Variants in TMEM177 observed in about 807,000 individuals in gnomAD.
TMEM177 encodes transmembrane protein 177.
TMEM177 carries 4 observed loss-of-function variants against 14.2 expected under a neutral mutation model. That is an observed-to-expected ratio of 0.28 (90% confidence interval 0.14 to 0.64). The LOEUF (loss-of-function observed/expected upper bound fraction) is 0.64, where lower values mean the gene tolerates loss of function less well. Among genes scored for constraint, TMEM177 ranks in the 30% least tolerant of loss-of-function variants. TMEM177 has a pLI of 0.82. For missense variants in TMEM177, 344 were observed against 405.2 expected (o/e 0.85, Z 1.30); for synonymous variants, 179 against 174.5 (o/e 1.03, Z -0.20).
the TMEM177 span, among the ~76,000 whole-genome samples, chr2:119,696,663 G>A: frequency 6.6e-6 from 1 of 152,338 alleles, no homozygotes; most frequent in African/African-American, 2.4e-5. Context: ...TCTCAACAGT[G>A]TGGCCAAGGA....
At chr2:119,688,435 C>G (rs1689049458), downstream of TMEM177, among the ~76,000 whole-genome samples, 1 of 152,184 alleles carries the variant, frequency 6.6e-6, no homozygotes, top group South Asian at 2.1e-4. Flanking sequence ...TGTACTTACA[C>G]AAACCTGGAT....
chr2:119,690,113 C>T (rs1689071520), downstream of TMEM177, among the ~76,000 whole-genome samples: 1 of 152,146 alleles, frequency 6.6e-6, no homozygotes, highest in Non-Finnish European at 1.5e-5. Context: ...ATTGTAATCC[C>T]CAGTGTTGGA....
the TMEM177 span, among the ~76,000 whole-genome samples, chr2:119,710,471 G>T: frequency 6.6e-6 from 1 of 152,192 alleles, no homozygotes; most frequent in East Asian, 1.9e-4. Flanking sequence ...TGGGGCAGCA[G>T]GTTTCCTGGC....
At chr2:119,694,517 T>G in the TMEM177 span, among the ~76,000 whole-genome samples, 1 of 152,256 alleles carries the variant, frequency 6.6e-6, no homozygotes. Flanking sequence ...GGCTGGAGTT[T>G]AGTGCAGGAG....
At chr2:119,685,232 GCACACACACACACACACAAA>G (rs1688992695), downstream of TMEM177, among the ~76,000 whole-genome samples, 3 of 56,758 alleles carry the variant, frequency 5.3e-5, no homozygotes, top group Non-Finnish European at 1.0e-4. Context: ...CCCTTTGCAG[GCACACACACACACACACAAA>G]CACACACACA....
chr2:119,685,393 A>G (rs893400095), downstream of TMEM177, among the ~76,000 whole-genome samples: 1 of 151,418 alleles, frequency 6.6e-6, no homozygotes, highest in African/African-American at 2.4e-5. Context: ...GCAAGGTTCC[A>G]CTCAGCCTTG....
chr2:119,682,817 G>T (rs576971626), downstream of TMEM177, among the ~76,000 whole-genome samples: 1 of 152,192 alleles, frequency 6.6e-6, no homozygotes, highest in Non-Finnish European at 1.5e-5. Flanking sequence ...AGCTTGGCTC[G>T]TAGGGGTCAG....
At chr2:119,687,965 T>C (rs914047079), downstream of TMEM177, among the ~76,000 whole-genome samples, 1 of 152,226 alleles carries the variant, frequency 6.6e-6, no homozygotes, top group Non-Finnish European at 1.5e-5. Context: ...CAAACCTATG[T>C]ATTTCCTAGG....
chr2:119,690,735 T>C (rs1257009580), downstream of TMEM177, among the ~76,000 whole-genome samples: 1 of 152,348 alleles, frequency 6.6e-6, no homozygotes, highest in East Asian at 1.9e-4. Flanking sequence ...TCTTAACCCC[T>C]TGACGCTGGC....
At chr2:119,693,943 C>A in the TMEM177 span, among the ~76,000 whole-genome samples, 9 of 146,386 alleles carry the variant, frequency 6.1e-5, no homozygotes, top group East Asian at 2.0e-4. Flanking sequence ...ATCACACAAG[C>A]CACACACACA....
At chr2:119,691,695 C>T in the TMEM177 span, among the ~76,000 whole-genome samples, 6 of 152,154 alleles carry the variant, frequency 3.9e-5, no homozygotes, top group East Asian at 3.9e-4. Context: ...GGGAGTGTGG[C>T]GTGTGGGGAG....
downstream of TMEM177, among the ~76,000 whole-genome samples, chr2:119,687,491 A>G (rs1689033517): frequency 6.6e-6 from 1 of 152,220 alleles, no homozygotes; most frequent in African/African-American, 2.4e-5. Context: ...TCACAGGGCA[A>G]CAGGAGAGAG....
At position 119,681,293 on chromosome 2, in the gene TMEM177, G is replaced by A. The variant is rs757762409; in HGVS notation, c.440G>A (p.Arg147His). ...CTGAGAGCTTCCCTGACCTTGTCCC[G>A]TGAAGCCCAGAAGTTCGCCTTGGCC... Reference protein sequence around the residue: ...ARLRASLTLSREAQKFALARE... With the variant: ...ARLRASLTLSHEAQKFALARE... The change falls in exon 2 of 2, where the codon CGT becomes CAT. Residue 147 changes from arginine (R) to histidine (H), a missense_variant. Physicochemically the swap from Arg to His is conservative, Grantham distance 29 (BLOSUM62 0). Transcript: ENST00000272521. The A allele has an allele frequency of 1.1e-5, 17 of 1,614,128 alleles. No homozygotes were observed. The highest frequency in any genetic ancestry group is 2.2e-5 in the East Asian group (1 of 44,900).
the TMEM177 span, among the ~76,000 whole-genome samples, chr2:119,703,027 C>G: frequency 2.0e-5 from 3 of 152,234 alleles, no homozygotes; most frequent in South Asian, 2.1e-4. Flanking sequence ...GCAGGGGGAG[C>G]AAGCTCACCG....
At chr2:119,711,958 G>T in the TMEM177 span, among the ~76,000 whole-genome samples, 1 of 152,140 alleles carries the variant, frequency 6.6e-6, no homozygotes, top group Non-Finnish European at 1.5e-5. Context: ...TATCCCAAAA[G>T]TTATGGGCTG....
chr2:119,709,789 C>T, the TMEM177 span, among the ~76,000 whole-genome samples: 142,103 of 152,238 alleles, frequency 0.93, 66,619 homozygotes, highest in East Asian at 1. Flanking sequence ...CGCGCCACTG[C>T]GCTCCAGTCT....
At chr2:119,718,148 A>G in the TMEM177 span, among the ~76,000 whole-genome samples, 1 of 152,206 alleles carries the variant, frequency 6.6e-6, no homozygotes, top group East Asian at 1.9e-4. Context: ...TAAAGCGGAC[A>G]GTTCCTAAAA....
chr2:119,680,783 T>A, intron 1 of TMEM177, 49 bp from the exon 2 acceptor site: 1 of 1,474,210 alleles, frequency 6.8e-7, no homozygotes, highest in Non-Finnish European at 9.3e-7. Flanking sequence ...ATGTTCAGTC[T>A]GCAGGCTGAC....
At chr2:119,707,971 G>A in the TMEM177 span, among the ~76,000 whole-genome samples, 6 of 152,166 alleles carry the variant, frequency 3.9e-5, no homozygotes, top group Admixed American at 3.9e-4. Context: ...TGGCTCCGGC[G>A]CCTCTCCCAA....
Sources: allele counts gnomAD v4.1 joint callset (sites outside exome capture counted in the v4.1 genomes callset), GRCh38; gene constraint gnomAD v4.1.1; transcripts MANE v1.5; gene names NCBI Gene and HGNC (gene_info 2026-07-23, HGNC 2026-07-21).